Variants in ZNF418 observed in about 807,000 individuals in gnomAD.
ZNF418 encodes the protein zinc finger protein 418.
Under a neutral mutation model 32.0 loss-of-function variants are expected in ZNF418, and 32 were observed. That is an observed-to-expected ratio of 1.00 (90% CI 0.75 to 1.34). The LOEUF (loss-of-function observed/expected upper bound fraction) is 1.34. Among genes scored for constraint, ZNF418 ranks in the 40% most tolerant of loss-of-function variants. The pLI, the probability that ZNF418 is intolerant of heterozygous loss-of-function variation, is 0.00. For synonymous variants in ZNF418, 276 were observed against 270.7 expected (o/e 1.02, Z -0.19); for missense variants, 804 against 812.5 (o/e 0.99, Z 0.13).
At position 57,932,524 on chromosome 19, in the gene ZNF418, G is replaced by A. The variant is rs996971920; in HGVS notation, c.6+1293C>T. The stretch of plus-strand genomic sequence containing the variant: ...TCCACATCCCCACAGAACCAGGTGG[G>A]GCTTTAGATATCCATGGCCCTATTC... On this transcript the variant is annotated intron_variant, in intron 2 of 5. Coordinates refer to ENST00000396147, the MANE Select transcript of ZNF418 (RefSeq NM_133460.3). 32 of 1,535,020 alleles carry A rather than the reference G, an allele frequency of 2.1e-5. No individual in the cohort carries two copies. In the African/African-American group the frequency reaches 4.0e-4, roughly 19 times the overall value.
intron 4 of ZNF418, among the ~76,000 whole-genome samples, chr19:57,924,098 G>A (rs1275211214): frequency 2.0e-5 from 3 of 150,690 alleles, no homozygotes; most frequent in Admixed American, 6.6e-5. Flanking sequence ...CTATGATCTC[G>A]CCACTGTACT....
chr19:57,924,666 A>T lies in ZNF418; in HGVS notation c.*527+957T>A, dbSNP rs532708050. On this transcript the variant is annotated intron_variant, in intron 4 of 5. Transcript: ENST00000396147. ...GGGACACCACACTACGAAACTCTGG[A>T]TATCAGAGCACATGGCTGCATTCCA... Among the ~76,000 whole-genome samples, 4 of 152,252 alleles carry T rather than the reference A, an allele frequency of 2.6e-5. No homozygotes were observed. The East Asian group carries it at 7.7e-4, about 29-fold the overall frequency.
chr19:57,927,817 T>C lies in ZNF418; in HGVS notation c.364A>G (p.Ser122Gly), dbSNP rs762444816. 4 of 1,614,196 alleles carry C rather than the reference T, an allele frequency of 2.5e-6. No individual in the cohort carries two copies. The highest frequency in any genetic ancestry group is 3.4e-6 in the Non-Finnish European group (4 of 1,180,028). Residue 122 changes from serine to glycine, a missense_variant, in exon 4 of 6, where the codon AGT (serine) becomes GGT (glycine). Coordinates refer to ENST00000396147, the MANE Select transcript of ZNF418 (RefSeq NM_133460.3). The part of the protein sequence containing the change: ...CEAWGNKLYD[S>G]SNRPHQNQYL... Reference sequence around the variant, plus strand: ...TGATTCTGGTGCGGACGGTTTGAACTATCATACAATTTATTCCCCCATGCC... The same window carrying C: ...TGATTCTGGTGCGGACGGTTTGAACCATCATACAATTTATTCCCCCATGCC...
intron 1 of ZNF418, 182 bp downstream of exon 1, chr19:57,934,979 C>G: frequency 7.0e-7 from 1 of 1,421,412 alleles, no homozygotes; most frequent in Non-Finnish European, 9.3e-7. Flanking sequence ...CGCGCCGGTC[C>G]CTGTGCCTGT....
intron 2 of ZNF418, among the ~76,000 whole-genome samples, chr19:57,933,491 G>A (rs2072562590): frequency 6.6e-6 from 1 of 152,216 alleles, no homozygotes; most frequent in Non-Finnish European, 1.5e-5. Context: ...GGGAGGCCGA[G>A]GCCGATGGAT....
At chr19:57,932,359 G>C (rs530748677) in intron 2 of ZNF418, 2 of 1,439,538 alleles carry the variant, frequency 1.4e-6, no homozygotes, top group Non-Finnish European at 9.4e-7. Context: ...TTTCATTTTC[G>C]GCCTTATGCC....
At position 57,927,654 on chromosome 19, in the gene ZNF418, A is replaced by G; in HGVS notation, c.527T>C (p.Leu176Pro). ...KDFLPSSGLL[L>P]QEATHTGEKS... ...CTCCCCAGTGTGAGTGGCCTCCTGC[A>G]GCAGTAATCCTGAGCTGGGCAAAAA... The change falls in exon 4 of 6, where the codon CTG (leucine) becomes CCG (proline). Residue 176 changes from leucine to proline, a missense_variant. By Grantham distance (98) the Leu-to-Pro change is moderately conservative. Coordinates refer to ENST00000396147, the MANE Select transcript of ZNF418 (RefSeq NM_133460.3). 1 of 1,614,084 alleles carries G rather than the reference A, an allele frequency of 6.2e-7. No individual in the cohort carries two copies. The highest frequency in any genetic ancestry group is 1.3e-5 in the African/African-American group (1 of 75,054).
chr19:57,925,326 T>C (rs929009858), intron 4 of ZNF418, among the ~76,000 whole-genome samples: 3 of 152,068 alleles, frequency 2.0e-5, no homozygotes, highest in Admixed American at 6.6e-5. Context: ...CTGGGCATGG[T>C]GGTGGGCACC....
intron 3 of ZNF418, among the ~76,000 whole-genome samples, chr19:57,929,112 A>C (rs1023770029): frequency 5.3e-5 from 8 of 152,194 alleles, no homozygotes; most frequent in African/African-American, 1.9e-4. Context: ...AATGGGTGAG[A>C]TGTGGAGTCC....
rs1487512410 is a variant in ZNF418 at position 57,923,199 on chromosome 19, G to C, written c.*618C>G. ...GCCTGTAATCCCACCTACCCGGGAG[G>C]CTGAGGCAGGAGAATCGCTTGAACC... On this transcript the variant is annotated 3_prime_UTR_variant, in exon 5 of 6. Coordinates refer to ENST00000396147, the MANE Select transcript of ZNF418 (RefSeq NM_133460.3). 2.6e-5 allele frequency: 4 copies of C among 152,038 alleles called. No individual in the cohort carries two copies. The East Asian group carries it at 7.8e-4, about 29-fold the overall frequency. 9.4% of individuals were successfully genotyped at this position (152,038 alleles called of 1,614,324 possible).
At chr19:57,932,384 A>C in intron 2 of ZNF418, 2 of 1,519,098 alleles carry the variant, frequency 1.3e-6, no homozygotes, top group African/African-American at 2.7e-5. Flanking sequence ...TGTGGCTGAC[A>C]GAATTCAGAG....
At chr19:57,924,673 A>G (rs1544929) in intron 4 of ZNF418, among the ~76,000 whole-genome samples, 108,198 of 152,038 alleles carry the variant, frequency 0.71, 39,457 homozygotes, top group African/African-American at 0.88. Flanking sequence ...TGGATATCAG[A>G]GCACATGGCT....
At chr19:57,933,980 ATTTC>A in intron 1 of ZNF418, 78 bp from the exon 2 acceptor site, 1 of 1,578,530 alleles carries the variant, frequency 6.3e-7, no homozygotes, top group South Asian at 1.1e-5. Context: ...ACCTCTAAGC[ATTTC>A]ATGACCTGGT....
chr19:57,926,301 G>T lies in ZNF418; in HGVS notation c.1880C>A (p.Ser627Tyr), dbSNP rs771847469. The T allele has an allele frequency of 2.5e-6, 4 of 1,606,296 alleles. No homozygotes were observed. Among genetic ancestry groups the T allele is most frequent in the Non-Finnish European group, 3.4e-6 (4 of 1,175,120 alleles). ...KPYECSECGK[S>Y]FAETFSLTEH... Reference sequence around the variant, plus strand: ...AGTAAGACTGAAGGTTTCAGCAAAGGATTTCCCACATTCGCTGCACTCGTA... The same window carrying T: ...AGTAAGACTGAAGGTTTCAGCAAAGTATTTCCCACATTCGCTGCACTCGTA... The change falls in exon 4 of 6, where the codon TCC becomes TAC. Residue 627 changes from serine to tyrosine, a missense_variant. By Grantham distance (144) the Ser-to-Tyr change is moderately radical (BLOSUM62 -2). This residue lies in a region of ZNF418 where 475 missense variants were observed against 458.6 expected (regional missense o/e 1.04). Transcript: ENST00000396147.
chr19:57,933,313 C>T (rs879715881), intron 2 of ZNF418, among the ~76,000 whole-genome samples: 16 of 152,202 alleles, frequency 1.1e-4, no homozygotes, highest in Non-Finnish European at 1.8e-4. Flanking sequence ...GGCTTGGTGG[C>T]TCACGCCTGT....
chr19:57,922,775 G>A, intron 5 of ZNF418, 146 bp from the exon 6 acceptor site: 1 of 390,616 alleles, frequency 2.6e-6, no homozygotes, highest in Non-Finnish European at 4.5e-6. Context: ...AAGGTGGGAA[G>A]ATCCCTTGAG....
intron 2 of ZNF418, among the ~76,000 whole-genome samples, chr19:57,932,080 T>A (rs1013877434): frequency 3.3e-5 from 5 of 152,202 alleles, no homozygotes; most frequent in African/African-American, 1.2e-4. Flanking sequence ...AGGGACAGTG[T>A]TATGCACACT....
chr19:57,935,278 C>T lies in ZNF418; in HGVS notation c.-198G>A, dbSNP rs2072654478. 9.2e-7 allele frequency: 1 copy of T among 1,089,186 alleles called. No individual in the cohort carries two copies. Among genetic ancestry groups the T allele is most frequent in the Non-Finnish European group, 1.1e-6 (1 of 883,258 alleles). 67.5% of individuals were successfully genotyped at this position (1,089,186 alleles called of 1,614,324 possible). A position where few individuals can be genotyped will look rare whatever the true frequency, so the allele number is the denominator to read the frequency against. ...CTGCCTCTGTGCAGCAAGAAGGACT[C>T]TTCACCTTCTGGGTTCAGACACCGC... On this transcript the variant is annotated 5_prime_UTR_variant, in exon 1 of 6. Coordinates refer to ENST00000396147, the MANE Select transcript of ZNF418 (RefSeq NM_133460.3).
chr19:57,926,156 G>T lies in ZNF418; in HGVS notation c.2025C>A (p.Tyr675Ter), dbSNP rs199957395. ...GAATTTCCCAAATTTCTTTTCACTT[G>T]TAAGGACTTCTTTCTGTGTGAACTC... ...HQRVHTERSP[Y>*]K is the part of the protein sequence containing the mutation. Residue 675 changes from tyrosine to a stop codon, truncating the protein, a stop_gained, in exon 4 of 6, where the codon TAC (tyrosine) becomes TAA (stop). Coordinates refer to ENST00000396147, the MANE Select transcript of ZNF418 (RefSeq NM_133460.3). LOFTEE classifies it high-confidence loss of function. 30 of 1,607,298 alleles carry T rather than the reference G, an allele frequency of 1.9e-5. No individual in the cohort carries two copies. The highest frequency in any genetic ancestry group is 6.6e-5 in the South Asian group (6 of 90,608).
Sources: gnomAD v4.1 joint callset for allele counts (sites outside exome capture counted in the v4.1 genomes callset) on GRCh38, gnomAD v4.1.1 for gene constraint, gnomAD v4.1.1 regional missense constraint, MANE v1.5 for transcripts, NCBI Gene and HGNC (gene_info 2026-07-23, HGNC 2026-07-21) for gene names.